Variants in SCN2A observed in about 807,000 individuals in gnomAD.
SCN2A encodes the protein sodium channel protein type 2 subunit alpha.
In SCN2A, 20 loss-of-function variants were observed where a neutral mutation model predicts 188.7. The ratio of observed to expected loss-of-function variants is 0.11; its 90% CI spans 0.07 to 0.15. The LOEUF (loss-of-function observed/expected upper bound fraction) is 0.15, where lower values mean the gene tolerates loss of function less well. SCN2A is among the 10% of genes least tolerant of loss of function. The probability of loss-of-function intolerance (pLI) is 1.00; values close to 1 mark genes in which losing one functional copy is unlikely to be tolerated. For synonymous variants in SCN2A, 804 were observed against 833.1 expected, an observed-to-expected ratio of 0.97 and a Z score of 0.60; for missense variants, 1,278 against 2,445.0, an observed-to-expected ratio of 0.52 and a Z score of 10.07.
At chr2:165,336,875 A>G (rs985875839) in intron 14 of SCN2A, among the ~76,000 whole-genome samples, 1 of 152,040 alleles carries the variant, frequency 6.6e-6, no homozygotes, top group African/African-American at 2.4e-5. Flanking sequence ...GATTTCCAGG[A>G]TTGAAGTATT....
chr2:165,251,104 C>G (rs1318199389), intron 1 of SCN2A, among the ~76,000 whole-genome samples: 1 of 151,992 alleles, frequency 6.6e-6, no homozygotes, highest in African/African-American at 2.4e-5. Context: ...ATGTTTCTAA[C>G]AAATACAGGA....
intron 15 of SCN2A, among the ~76,000 whole-genome samples, chr2:165,342,967 T>C (rs1699391719): frequency 6.6e-6 from 1 of 152,194 alleles, no homozygotes; most frequent in Non-Finnish European, 1.5e-5. Flanking sequence ...TGCTGCCACA[T>C]CAGAAAATCA....
At chr2:165,275,915 AG>A (rs1695318166) in intron 1 of SCN2A, among the ~76,000 whole-genome samples, 2 of 152,004 alleles carry the variant, frequency 1.3e-5, no homozygotes, top group Admixed American at 1.3e-4. Context: ...TTATATTTTT[AG>A]TAGAGACAGG....
In SCN2A at chr2:165,391,366, TATAA is replaced by T. The variant is rs1702115628; in HGVS notation, c.*1546_*1549del. On this transcript the variant is annotated 3_prime_UTR_variant, in exon 27 of 27. Coordinates refer to ENST00000375437, the MANE Select transcript of SCN2A (RefSeq NM_001040142.2). ...ATATGGTTAGAGTTTTCTAAGAAAATATAAATACTGTAAAAAGTTCATTTTATTT... is the reference window on the plus strand; with the variant it reads ...ATATGGTTAGAGTTTTCTAAGAAAATATACTGTAAAAAGTTCATTTTATTT... 1 of 152,560 alleles carries T rather than the reference TATAA, an allele frequency of 6.6e-6. No individual in the cohort carries two copies. The allele number at this position is 152,560 out of a possible 1,614,324, so 9.5% of individuals were successfully genotyped here. A position where few individuals can be genotyped will look rare whatever the true frequency, so the allele number is the denominator to read the frequency against.
chr2:165,288,762 G>A (rs1021727802), intron 1 of SCN2A, among the ~76,000 whole-genome samples: 1 of 151,812 alleles, frequency 6.6e-6, no homozygotes, highest in African/African-American at 2.4e-5. Context: ...GTGTACATAT[G>A]TGTGTGTATA....
At chr2:165,337,444 A>T (rs1011328934) in intron 14 of SCN2A, among the ~76,000 whole-genome samples, 3 of 152,112 alleles carry the variant, frequency 2.0e-5, no homozygotes, top group Non-Finnish European at 4.4e-5. Context: ...TTGGTGAAAA[A>T]TAGTAACTTA....
rs188067172 is a variant in SCN2A at position 165,320,736 on chromosome 2, G to A, written c.1672-2420G>A. On this transcript the variant is annotated intron_variant, in intron 11 of 26. Coordinates refer to ENST00000375437, the MANE Select transcript of SCN2A (RefSeq NM_001040142.2). The stretch of plus-strand genomic sequence containing the variant: ...GCCCCTTTCAGCCATGGCTGGAGCC[G>A]CAGAGATACAGGGCACCAAGTTCCT... 2.0e-3 allele frequency among the ~76,000 whole-genome samples: 312 copies of A among 152,316 alleles called. 1 individual carries two copies. The highest frequency in any genetic ancestry group is 6.2e-3 in the African/African-American group (259 of 41,576).
At chr2:165,303,271 T>G (rs1385322230) in intron 3 of SCN2A, among the ~76,000 whole-genome samples, 4 of 8,292 alleles carry the variant, frequency 4.8e-4, no homozygotes, top group African/African-American at 1.5e-3. Flanking sequence ...GTTATTTGAG[T>G]TTTTTTTTTT....
At chr2:165,303,283 T>TTTG (rs962182330) in intron 3 of SCN2A, among the ~76,000 whole-genome samples, 1 of 143,148 alleles carries the variant, frequency 7.0e-6, no homozygotes, top group African/African-American at 2.5e-5. Context: ...TTTTTTTTTT[T>TTTG]TTTTTTTTTT....
intron 21 of SCN2A, among the ~76,000 whole-genome samples, chr2:165,373,644 A>G (rs569034919): frequency 1.4e-4 from 22 of 152,236 alleles, no homozygotes; most frequent in Admixed American, 1.2e-3. Flanking sequence ...CACTTCATTT[A>G]TAAATGTGCA....
rs192084348 is a variant in SCN2A at position 165,315,352 on chromosome 2, A to C, written c.1384-119A>C. On this transcript the variant is annotated intron_variant, in intron 10 of 26. Transcript: ENST00000375437. Reference sequence around the variant, plus strand: ...AATGTACTGTTTTCTAAAACACAGAATAAAATGGAGAATTGTTTTTCAAGA... The same window carrying C: ...AATGTACTGTTTTCTAAAACACAGACTAAAATGGAGAATTGTTTTTCAAGA... 11 of 1,496,276 alleles carry C rather than the reference A, an allele frequency of 7.4e-6. No individual in the cohort carries two copies. In the Admixed American group the frequency reaches 1.6e-4, roughly 22 times the overall value. The allele number at this position is 1,496,276 out of a possible 1,614,324, so 92.7% of individuals were successfully genotyped here.
intron 1 of SCN2A, among the ~76,000 whole-genome samples, chr2:165,284,527 G>C (rs965592475): frequency 6.6e-6 from 1 of 152,098 alleles, no homozygotes; most frequent in African/African-American, 2.4e-5. Context: ...CATTCATGGG[G>C]AAGATGCCCA....
chr2:165,346,194 T>C (rs1170524137), intron 16 of SCN2A, among the ~76,000 whole-genome samples: 1 of 152,156 alleles, frequency 6.6e-6, no homozygotes, highest in Admixed American at 6.5e-5. Context: ...GTCTTGGGGT[T>C]GCTTTTCTCA....
chr2:165,342,235 T>C, intron 14 of SCN2A, 61 bp from the exon 15 acceptor site: 3 of 1,483,442 alleles, frequency 2.0e-6, no homozygotes, highest in Non-Finnish European at 1.9e-6. Flanking sequence ...ATTAAGTTGC[T>C]CAATAATTAT....
At chr2:165,334,400 C>T (rs1460309747) in intron 14 of SCN2A, among the ~76,000 whole-genome samples, 1 of 151,646 alleles carries the variant, frequency 6.6e-6, no homozygotes, top group Non-Finnish European at 1.5e-5. Context: ...TACTAGAAGC[C>T]AAATCACATA....
intron 17 of SCN2A, among the ~76,000 whole-genome samples, chr2:165,360,593 A>G (rs1310026653): frequency 6.6e-6 from 1 of 151,962 alleles, no homozygotes; most frequent in Non-Finnish European, 1.5e-5. Flanking sequence ...ATGATTGCCA[A>G]TGCTTTTTTT....
chr2:165,293,771 T>G, intron 1 of SCN2A: 1 of 914,590 alleles, frequency 1.1e-6, no homozygotes, highest in Non-Finnish European at 1.3e-6. Context: ...ATCAACAAAG[T>G]TTTAATGTTT....
chr2:165,369,503 C>T (rs1368236), intron 19 of SCN2A, among the ~76,000 whole-genome samples: 43,990 of 152,016 alleles, frequency 0.29, 6,675 homozygotes, highest in Middle Eastern at 0.48. Flanking sequence ...ATCCAGGCTG[C>T]CAGGTTTTCC....
chr2:165,378,868 G>A (rs977600235), intron 23 of SCN2A, among the ~76,000 whole-genome samples: 2 of 151,680 alleles, frequency 1.3e-5, no homozygotes, highest in African/African-American at 4.8e-5. Context: ...TTAGTAAATT[G>A]CATCAGATAA....
Sources: gnomAD v4.1 joint callset for allele counts (sites outside exome capture counted in the v4.1 genomes callset) on GRCh38, gnomAD v4.1.1 for gene constraint, MANE v1.5 for transcripts, NCBI Gene and HGNC (gene_info 2026-07-23, HGNC 2026-07-21) for gene names.